The following RABGEF1 variants were observed in gnomAD, a reference collection of about 807,000 sequenced individuals.
RABGEF1 encodes rab5 GDP/GTP exchange factor.
In RABGEF1, 26 loss-of-function variants were observed where a neutral mutation model predicts 57.3. The observed-to-expected ratio is 0.45, with a 90% CI of 0.33 to 0.63. The LOEUF is 0.63. RABGEF1 is among the 20% of genes least tolerant of loss of function. The probability of loss-of-function intolerance (pLI) is 0.02; values close to 1 mark genes in which losing one functional copy is unlikely to be tolerated. For missense variants in RABGEF1, 464 were observed against 607.6 expected, an observed-to-expected ratio of 0.76 and a Z score of 2.48; for synonymous variants, 185 against 210.7, an observed-to-expected ratio of 0.88 and a Z score of 1.06.
rs1247567470 is a variant in RABGEF1, at chr7:66,705,448, AG to A, written c.-872-6718del. Among the ~76,000 whole-genome samples the A allele has an allele frequency of 9.5e-3, 1,051 of 110,926 alleles. 23 individuals carry two copies. The highest frequency in any genetic ancestry group is 0.013 in the South Asian group (30 of 2,358). 72.8% of individuals were successfully genotyped at this position (110,926 alleles called of 152,430 possible). On this transcript the variant is annotated intron_variant and NMD_transcript_variant, in intron 1 of 9. Coordinates refer to the RABGEF1 transcript ENST00000607882. Reference sequence around the variant, plus strand: ...CGAAACTCCATCTCGAAAGAAAGAGAGAGAGAGAGAGAGAGAGAGAGAGAGA... The same window carrying A: ...CGAAACTCCATCTCGAAAGAAAGAGAAGAGAGAGAGAGAGAGAGAGAGAGA...
upstream of RABGEF1, among the ~76,000 whole-genome samples, chr7:66,738,016 T>TTTTG (rs1562756132): frequency 7.6e-6 from 1 of 132,324 alleles, no homozygotes. Flanking sequence ...TGTTTTTTGT[T>TTTTG]TTTTTTGTTT....
chr7:66,735,680 C>G lies in RABGEF1; in HGVS notation c.-814-4316C>G, dbSNP rs71563134. 1.9e-4 allele frequency among the ~76,000 whole-genome samples: 29 copies of G among 152,180 alleles called. 1 individual carries two copies. In the Middle Eastern group the frequency reaches 0.014, roughly 71 times the overall value. On this transcript the variant is annotated intron_variant and NMD_transcript_variant, in intron 2 of 9. Coordinates refer to the RABGEF1 transcript ENST00000607882. The stretch of plus-strand genomic sequence containing the variant: ...TGGTGGTTTAAAATGTGTAGCACCT[C>G]CCCCTCTCTCTCTCTTCCCTTTGCT...
At chr7:66,698,144 C>A (rs1223208457) in intron 1 of RABGEF1, among the ~76,000 whole-genome samples, 1 of 150,804 alleles carries the variant, frequency 6.6e-6, no homozygotes, top group Non-Finnish European at 1.5e-5. Flanking sequence ...AAACCTGGAG[C>A]TCCCAGGATA....
At chr7:66,663,030 C>T in the RABGEF1 span, among the ~76,000 whole-genome samples, 2 of 152,224 alleles carry the variant, frequency 1.3e-5, no homozygotes, top group East Asian at 3.8e-4. Flanking sequence ...GGAATGAGGG[C>T]AAGAAACACC....
At chr7:66,781,239 TTACC>T (rs1484278936) in intron 3 of RABGEF1, among the ~76,000 whole-genome samples, 6 of 152,188 alleles carry the variant, frequency 3.9e-5, no homozygotes, top group African/African-American at 1.4e-4. Flanking sequence ...CATCTTTAAC[TTACC>T]TACCTTCAAG....
At chr7:66,745,623 G>A (rs1213995992) in intron 1 of RABGEF1, among the ~76,000 whole-genome samples, 1 of 152,034 alleles carries the variant, frequency 6.6e-6, no homozygotes, top group Non-Finnish European at 1.5e-5. Flanking sequence ...AAAAAACTTA[G>A]CCAGGCATGG....
intron 3 of RABGEF1, among the ~76,000 whole-genome samples, chr7:66,778,915 A>AG: frequency 6.6e-6 from 1 of 152,212 alleles, no homozygotes; most frequent in East Asian, 1.9e-4. Flanking sequence ...TGGGAGTTTG[A>AG]GACCAGCCTG....
intron 4 of RABGEF1, among the ~76,000 whole-genome samples, chr7:66,793,177 C>T (rs1318012271): frequency 6.6e-6 from 1 of 152,084 alleles, no homozygotes; most frequent in South Asian, 2.1e-4. Flanking sequence ...ATCCCTTATC[C>T]GAGAGCCTTG....
At chr7:66,754,325 A>G (rs895347239) in intron 1 of RABGEF1, among the ~76,000 whole-genome samples, 2 of 151,298 alleles carry the variant, frequency 1.3e-5, no homozygotes, top group African/African-American at 2.4e-5. Context: ...TTTAAAGGAA[A>G]TAGTCACTGA....
intron 1 of RABGEF1, among the ~76,000 whole-genome samples, chr7:66,766,231 C>T (rs1283949222): frequency 6.6e-6 from 1 of 151,344 alleles, no homozygotes; most frequent in Non-Finnish European, 1.5e-5. Flanking sequence ...ATTGCTTGAG[C>T]TCGGGAAGTC....
the RABGEF1 span, among the ~76,000 whole-genome samples, chr7:66,671,370 G>A: frequency 2.0e-5 from 3 of 150,080 alleles, no homozygotes; most frequent in Non-Finnish European, 3.0e-5. Flanking sequence ...AGACCAGGAA[G>A]TTGTCATCTG....
intron 7 of RABGEF1, among the ~76,000 whole-genome samples, chr7:66,800,923 T>C (rs568040209): frequency 5.9e-5 from 9 of 152,318 alleles, no homozygotes; most frequent in African/African-American, 2.2e-4. Context: ...GTTCCATGAA[T>C]AGTGGGACTC....
At chr7:66,755,252 T>C (rs1802427710) in intron 1 of RABGEF1, among the ~76,000 whole-genome samples, 1 of 151,596 alleles carries the variant, frequency 6.6e-6, no homozygotes, top group Admixed American at 6.6e-5. Flanking sequence ...TGAGATTGCA[T>C]CACTGCACTC....
At chr7:66,787,438 G>T (rs1261483132) in intron 4 of RABGEF1, among the ~76,000 whole-genome samples, 1 of 150,708 alleles carries the variant, frequency 6.6e-6, no homozygotes, top group African/African-American at 2.4e-5. Context: ...CTGCCTCCCA[G>T]GTTCAAGCAA....
At chr7:66,779,469 A>C (rs1216251061) in intron 3 of RABGEF1, among the ~76,000 whole-genome samples, 3 of 151,966 alleles carry the variant, frequency 2.0e-5, no homozygotes, top group African/African-American at 7.3e-5. Flanking sequence ...GTGCCATTGC[A>C]CTCCAGCCTG....
At chr7:66,739,760 A>G (rs1380785324), upstream of RABGEF1, 7 of 151,820 alleles carry the variant, frequency 4.6e-5, no homozygotes, top group Non-Finnish European at 2.9e-5. Flanking sequence ...ACCCAGGTCT[A>G]TCTCACAGCC....
At chr7:66,706,192 G>A (rs1472167158) in intron 1 of RABGEF1, among the ~76,000 whole-genome samples, 3 of 151,870 alleles carry the variant, frequency 2.0e-5, no homozygotes, top group Non-Finnish European at 2.9e-5. Flanking sequence ...ATGAGCCACC[G>A]TGCCCGGCCT....
At chr7:66,700,020 A>G (rs1424544543) in intron 1 of RABGEF1, among the ~76,000 whole-genome samples, 2 of 152,102 alleles carry the variant, frequency 1.3e-5, no homozygotes, top group South Asian at 2.1e-4. Flanking sequence ...AGAGACCCCA[A>G]CTCAGGGGAG....
At chr7:66,750,042 A>G (rs1801077043) in intron 1 of RABGEF1, among the ~76,000 whole-genome samples, 1 of 152,194 alleles carries the variant, frequency 6.6e-6, no homozygotes, top group Admixed American at 6.5e-5. Context: ...CTGGTGTCTC[A>G]CGAGATAATA....
Sources: allele counts gnomAD v4.1 joint callset (sites outside exome capture counted in the v4.1 genomes callset), GRCh38; gene constraint gnomAD v4.1.1; transcripts MANE v1.5; gene names NCBI Gene and HGNC (gene_info 2026-07-23, HGNC 2026-07-21).